The following CNTN1 variants were observed in gnomAD, a reference collection of about 807,000 sequenced individuals.
CNTN1 encodes the protein contactin 1.
CNTN1 carries 38 observed loss-of-function variants against 126.4 expected under a neutral mutation model. The observed-to-expected ratio is 0.30, with a 90% CI of 0.23 to 0.39. The LOEUF (loss-of-function observed/expected upper bound fraction) is 0.39. CNTN1 is among the 10% of genes least tolerant of loss of function. CNTN1 has a pLI of 1.00. For missense variants in CNTN1, 1,009 were observed against 1,248.4 expected, an observed-to-expected ratio of 0.81 and a Z score of 2.89; for synonymous variants, 413 against 422.6, an observed-to-expected ratio of 0.98 and a Z score of 0.28.
intron 9 of CNTN1, among the ~76,000 whole-genome samples, chr12:40,936,093 G>A (rs1019402063): frequency 3.3e-5 from 5 of 151,850 alleles, no homozygotes; most frequent in African/African-American, 4.8e-5. Flanking sequence ...TTGTTTATTT[G>A]CTTGTTCTCT....
At chr12:40,980,510 T>G (rs149113986) in intron 15 of CNTN1, among the ~76,000 whole-genome samples, 3 of 150,468 alleles carry the variant, frequency 2.0e-5, no homozygotes, top group Admixed American at 1.3e-4. Flanking sequence ...GGAGGCAGAA[T>G]GACAATAGAC....
intron 1 of CNTN1, among the ~76,000 whole-genome samples, chr12:40,727,551 G>T (rs1579797): frequency 5.3e-5 from 8 of 151,906 alleles, no homozygotes; most frequent in South Asian, 2.1e-4. Flanking sequence ...TAAACATATT[G>T]GATTTAAGTG....
At chr12:40,921,567 G>T (rs950263509) in intron 4 of CNTN1, among the ~76,000 whole-genome samples, 2 of 152,072 alleles carry the variant, frequency 1.3e-5, no homozygotes, top group Non-Finnish European at 2.9e-5. Context: ...GATATTATGT[G>T]GTTGGGGAGA....
At chr12:40,988,925 G>A (rs1048197170) in intron 16 of CNTN1, among the ~76,000 whole-genome samples, 2 of 152,072 alleles carry the variant, frequency 1.3e-5, no homozygotes, top group African/African-American at 2.4e-5. Context: ...GAACTGACCC[G>A]GTTAAAAATC....
intron 17 of CNTN1, among the ~76,000 whole-genome samples, chr12:41,013,630 A>C (rs1360443757): frequency 6.6e-6 from 1 of 152,194 alleles, no homozygotes; most frequent in Non-Finnish European, 1.5e-5. Context: ...GTATGACAGA[A>C]AGATTTTTAA....
chr12:40,991,451 T>C (rs1373520906), intron 16 of CNTN1, among the ~76,000 whole-genome samples: 2 of 152,150 alleles, frequency 1.3e-5, no homozygotes, highest in Non-Finnish European at 2.9e-5. Context: ...ACATGGACAT[T>C]TTTTGGGTGG....
intron 1 of CNTN1, among the ~76,000 whole-genome samples, chr12:40,800,760 C>T (rs1442684384): frequency 6.6e-6 from 1 of 151,996 alleles, no homozygotes; most frequent in African/African-American, 2.4e-5. Flanking sequence ...CAGCTAAGAA[C>T]ATTCTCAAAG....
intron 1 of CNTN1, among the ~76,000 whole-genome samples, chr12:40,851,987 C>A (rs1026261723): frequency 6.6e-6 from 1 of 152,112 alleles, no homozygotes; most frequent in Admixed American, 6.5e-5. Flanking sequence ...CCTGTACAGG[C>A]TCCAAGTTGA....
At chr12:41,019,119 G>T (rs1277872827) in intron 19 of CNTN1, among the ~76,000 whole-genome samples, 2 of 152,126 alleles carry the variant, frequency 1.3e-5, no homozygotes, top group Non-Finnish European at 2.9e-5. Context: ...TCGCGCCATT[G>T]CACTCCAGCC....
At chr12:40,739,914 A>T (rs1241745807) in intron 1 of CNTN1, among the ~76,000 whole-genome samples, 1 of 152,080 alleles carries the variant, frequency 6.6e-6, no homozygotes, top group Admixed American at 6.6e-5. Context: ...AAAGGAGGAT[A>T]TGAATAGACA....
At chr12:41,045,844 C>T (rs769637112) in intron 23 of CNTN1, among the ~76,000 whole-genome samples, 3 of 152,082 alleles carry the variant, frequency 2.0e-5, no homozygotes, top group Non-Finnish European at 4.4e-5. Context: ...AGCCAGTAGT[C>T]CTTCTTCTAT....
At chr12:40,738,244 T>C (rs1316634237) in intron 1 of CNTN1, among the ~76,000 whole-genome samples, 3 of 152,048 alleles carry the variant, frequency 2.0e-5, no homozygotes, top group Non-Finnish European at 4.4e-5. Context: ...TATATTGATG[T>C]CATTATATGG....
intron 1 of CNTN1, among the ~76,000 whole-genome samples, chr12:40,847,868 A>T (rs2136606477): frequency 6.6e-6 from 1 of 152,236 alleles, no homozygotes; most frequent in East Asian, 1.9e-4. Context: ...TGGTTTTGGG[A>T]TGAAACTGTT....
chr12:40,785,080 A>G (rs10748157), intron 1 of CNTN1, among the ~76,000 whole-genome samples: 138,389 of 152,194 alleles, frequency 0.91, 63,042 homozygotes, highest in Middle Eastern at 0.95. Flanking sequence ...TAACAAAAGC[A>G]TGACAGGAGA....
At chr12:40,912,541 AT>A (rs1945078956) in intron 3 of CNTN1, among the ~76,000 whole-genome samples, 1 of 152,034 alleles carries the variant, frequency 6.6e-6, no homozygotes, top group Admixed American at 6.6e-5. Context: ...TATAATATAT[AT>A]TTTGTAAGAA....
chr12:41,046,847 C>CT (rs56655599), intron 23 of CNTN1, among the ~76,000 whole-genome samples: 2,719 of 118,988 alleles, frequency 0.023, 101 homozygotes, highest in East Asian at 0.06. Context: ...TTGCTTATTT[C>CT]TTTTTTTTTT....
At chr12:41,058,564 G>C (rs1328956694) in intron 23 of CNTN1, among the ~76,000 whole-genome samples, 2 of 152,010 alleles carry the variant, frequency 1.3e-5, no homozygotes, top group African/African-American at 4.8e-5. Context: ...ATAAACTCCT[G>C]CAAAAGTGAT....
At chr12:40,955,312 A>G (rs894136620) in intron 14 of CNTN1, among the ~76,000 whole-genome samples, 4 of 151,914 alleles carry the variant, frequency 2.6e-5, no homozygotes, top group African/African-American at 9.7e-5. Context: ...GCAAGGCTAA[A>G]CTCTTTACTA....
intron 14 of CNTN1, among the ~76,000 whole-genome samples, chr12:40,950,097 G>GGGGTGT (rs1193146995): frequency 6.9e-6 from 1 of 145,234 alleles, no homozygotes; most frequent in East Asian, 2.1e-4. Flanking sequence ...GTGTTGAGAG[G>GGGGTGT]GTGTGTGTGT....
Sources: allele counts gnomAD v4.1 joint callset (sites outside exome capture counted in the v4.1 genomes callset), GRCh38; gene constraint gnomAD v4.1.1; transcripts MANE v1.5; gene names NCBI Gene and HGNC (gene_info 2026-07-23, HGNC 2026-07-21).